Variants in RCAN2 observed in about 807,000 individuals in gnomAD.
RCAN2 encodes the protein regulator of calcineurin 2, also known as calcipressin-2.
In RCAN2, 9 loss-of-function variants were observed where a neutral mutation model predicts 23.6. That is an observed-to-expected ratio of 0.38 (90% CI 0.23 to 0.67). RCAN2 has a LOEUF of 0.67. RCAN2 is among the 30% of genes least tolerant of loss of function. RCAN2 has a pLI of 0.51. For missense variants in RCAN2, 273 were observed against 302.3 expected (o/e 0.90, Z 0.72); for synonymous variants, 109 against 115.7 (o/e 0.94, Z 0.37).
chr6:46,328,523 C>T (rs956561236), intron 2 of RCAN2, among the ~76,000 whole-genome samples: 4 of 152,144 alleles, frequency 2.6e-5, no homozygotes, highest in Non-Finnish European at 4.4e-5. Flanking sequence ...AATAGTCATT[C>T]GTCTATACAA....
chr6:46,391,257 A>G (rs1224523455), intron 2 of RCAN2, among the ~76,000 whole-genome samples: 1 of 152,236 alleles, frequency 6.6e-6, no homozygotes, highest in Non-Finnish European at 1.5e-5. Context: ...TTGTAGGGAC[A>G]TGGATGAAGC....
At chr6:46,258,638 C>T (rs1767001685) in intron 2 of RCAN2, among the ~76,000 whole-genome samples, 1 of 152,198 alleles carries the variant, frequency 6.6e-6, no homozygotes, top group African/African-American at 2.4e-5. Flanking sequence ...ACTCATCACA[C>T]ACCTCTCTCA....
intron 1 of RCAN2, among the ~76,000 whole-genome samples, chr6:46,478,693 C>T (rs1768778453): frequency 6.6e-6 from 1 of 152,200 alleles, no homozygotes. Context: ...AATATGCTGT[C>T]AGATACTACC....
At chr6:46,330,095 C>A (rs1476693457) in intron 2 of RCAN2, among the ~76,000 whole-genome samples, 1 of 152,186 alleles carries the variant, frequency 6.6e-6, no homozygotes, top group Non-Finnish European at 1.5e-5. Context: ...ATATATTCAG[C>A]AGAAGACAGA....
intron 4 of RCAN2, among the ~76,000 whole-genome samples, chr6:46,224,998 G>A (rs1765610633): frequency 7.3e-6 from 1 of 137,510 alleles, no homozygotes; most frequent in South Asian, 2.3e-4. Flanking sequence ...TGTTCTCATT[G>A]TTCAATTCCC....
At chr6:46,463,772 T>G (rs540963096) in intron 1 of RCAN2, among the ~76,000 whole-genome samples, 1 of 152,162 alleles carries the variant, frequency 6.6e-6, no homozygotes, top group East Asian at 1.9e-4. Context: ...AAGCAAGAAT[T>G]TTTCAATAGA....
intron 4 of RCAN2, among the ~76,000 whole-genome samples, chr6:46,243,981 C>A (rs1254794096): frequency 6.6e-6 from 1 of 152,068 alleles, no homozygotes; most frequent in Non-Finnish European, 1.5e-5. Context: ...GAGTCAGAAG[C>A]GCCAGGGTTT....
rs138932409 is a variant in RCAN2, at chr6:46,420,304, G to C, written c.225+36448C>G. On this transcript the variant is annotated intron_variant, in intron 2 of 4. Transcript: ENST00000371374. Reference sequence around the variant, plus strand: ...GAATAATACAGACTACCGTGTGCAAGAGTCTTGGTTGCATCATTAAGGGGA... The same window carrying C: ...GAATAATACAGACTACCGTGTGCAACAGTCTTGGTTGCATCATTAAGGGGA... Among the ~76,000 whole-genome samples the C allele has an allele frequency of 8.7e-4, 133 of 152,248 alleles. 2 individuals are homozygous for C. Among genetic ancestry groups the C allele is most frequent in the African/African-American group, 2.8e-3 (117 of 41,568 alleles).
intron 2 of RCAN2, among the ~76,000 whole-genome samples, chr6:46,273,953 CT>C (rs992391638): frequency 2.6e-5 from 4 of 151,886 alleles, no homozygotes; most frequent in African/African-American, 9.7e-5. Context: ...CTGTAGTCGT[CT>C]CTATGAAAGG....
intron 2 of RCAN2, among the ~76,000 whole-genome samples, chr6:46,329,103 A>T (rs1000556134): frequency 6.6e-6 from 1 of 152,156 alleles, no homozygotes; most frequent in Non-Finnish European, 1.5e-5. Flanking sequence ...TGTTCCAAAA[A>T]AAAAGAAAGA....
intron 2 of RCAN2, among the ~76,000 whole-genome samples, chr6:46,281,122 G>A (rs1000084270): frequency 5.3e-5 from 8 of 152,078 alleles, no homozygotes; most frequent in African/African-American, 1.9e-4. Context: ...GTAGAGTGAG[G>A]GAGGGGGAGA....
chr6:46,374,126 C>T (rs1765398902), intron 2 of RCAN2, among the ~76,000 whole-genome samples: 1 of 152,220 alleles, frequency 6.6e-6, no homozygotes, highest in African/African-American at 2.4e-5. Flanking sequence ...TGGTATAGCA[C>T]AGTGCTTAGT....
chr6:46,245,405 C>A (rs1766478951), intron 4 of RCAN2, among the ~76,000 whole-genome samples: 1 of 152,186 alleles, frequency 6.6e-6, no homozygotes, highest in Non-Finnish European at 1.5e-5. Context: ...AGACGACCAG[C>A]TTTTCTTGGT....
At position 46,220,833 on chromosome 6, in the gene RCAN2, A is replaced by G. The variant is rs1217752329; in HGVS notation, c.*2308T>C. ...AATCTTCCCCTTCCCCTTCATTGTT[A>G]AAGTTTTCAAACTTAAAATAGTGCT... On this transcript the variant is annotated 3_prime_UTR_variant, in exon 5 of 5. Coordinates refer to ENST00000371374, the MANE Select transcript of RCAN2 (RefSeq NM_001251974.2). The G allele has an allele frequency of 6.5e-6, 1 of 152,694 alleles. No individual in the cohort carries two copies. The allele number at this position is 152,694 out of a possible 1,614,324, so 9.5% of individuals were successfully genotyped here.
intron 2 of RCAN2, among the ~76,000 whole-genome samples, chr6:46,278,790 C>A (rs1232087044): frequency 6.6e-6 from 1 of 152,148 alleles, no homozygotes; most frequent in Admixed American, 6.5e-5. Context: ...TGATTAGATT[C>A]GGGCAATACA....
At chr6:46,291,610 C>T (rs1399152461) in intron 2 of RCAN2, among the ~76,000 whole-genome samples, 1 of 151,592 alleles carries the variant, frequency 6.6e-6, no homozygotes, top group Non-Finnish European at 1.5e-5. Context: ...ACAACAACAA[C>T]AAAATTCATA....
At chr6:46,271,497 A>C (rs556583723) in intron 2 of RCAN2, among the ~76,000 whole-genome samples, 1 of 152,316 alleles carries the variant, frequency 6.6e-6, no homozygotes, top group East Asian at 1.9e-4. Context: ...CAAACATCTG[A>C]GCACCGTGGC....
chr6:46,399,229 G>A (rs1295927494), intron 2 of RCAN2, among the ~76,000 whole-genome samples: 3 of 152,062 alleles, frequency 2.0e-5, no homozygotes, highest in Admixed American at 6.5e-5. Context: ...CTGATGCCAA[G>A]ATCGCTGATC....
intron 2 of RCAN2, among the ~76,000 whole-genome samples, chr6:46,404,998 G>A (rs140821784): frequency 1.3e-5 from 2 of 152,312 alleles, no homozygotes; most frequent in East Asian, 3.9e-4. Context: ...AATCTGCTAA[G>A]ACTCACACTA....
Sources: allele counts gnomAD v4.1 joint callset (sites outside exome capture counted in the v4.1 genomes callset), GRCh38; gene constraint gnomAD v4.1.1; transcripts MANE v1.5; gene names NCBI Gene and HGNC (gene_info 2026-07-23, HGNC 2026-07-21).